TVP23A: variants seen among roughly 807,000 people sequenced by gnomAD.
The protein encoded by TVP23A is Golgi apparatus membrane protein TVP23 homolog A.
A neutral mutation model predicts 31.7 loss-of-function variants in TVP23A; 21 were observed. The observed-to-expected ratio is 0.66, with a 90% CI of 0.47 to 0.95. The LOEUF (loss-of-function observed/expected upper bound fraction) is 0.95, where lower values mean the gene tolerates loss of function less well. TVP23A is among the 40% of genes least tolerant of loss of function. The pLI is 0.00. For missense variants in TVP23A, 279 were observed against 255.6 expected, an observed-to-expected ratio of 1.09 and a Z score of -0.62; for synonymous variants, 104 against 96.0, an observed-to-expected ratio of 1.08 and a Z score of -0.49.
downstream of TVP23A, chr16:10,761,893 C>G (rs201676144): frequency 6.6e-7 from 1 of 1,521,944 alleles, no homozygotes; most frequent in East Asian, 2.3e-5. Context: ...GCACCTCACT[C>G]CTCGGTCAGC....
At chr16:10,762,630 G>A (rs552741112), downstream of TVP23A, among the ~76,000 whole-genome samples, 1 of 152,232 alleles carries the variant, frequency 6.6e-6, no homozygotes, top group Non-Finnish European at 1.5e-5. Context: ...GGTCTGAGGG[G>A]AGAACAGAGA....
chr16:10,802,258 GTGTGTGTGTGTGTGTGTGTGTGTGTGTA>G (rs2033733841), intron 2 of TVP23A, among the ~76,000 whole-genome samples: 1 of 134,284 alleles, frequency 7.4e-6, no homozygotes, highest in Admixed American at 7.1e-5. Context: ...GTGTGTGTGT[GTGTGTGTGTGTGTGTGTGTGTGTGTGTA>G]TATGTGTGTG....
chr16:10,818,288 C>A lies in TVP23A; in HGVS notation c.10-106G>T. On this transcript the variant is annotated intron_variant, in intron 1 of 7. Coordinates refer to ENST00000299866, the MANE Select transcript of TVP23A (RefSeq NM_001079512.4). This position sits in a 1 kb window ranked among gnomAD's most constrained non-coding sequence, Gnocchi z 4.7. ...GACTCCACTTGCACCCCACCGGGTT[C>A]CCAAGTGGACCCTCCGAGCTGGCGG... 1 of 1,098,952 alleles carries A rather than the reference C, an allele frequency of 9.1e-7. No homozygotes were observed. The highest frequency in any genetic ancestry group is 1.3e-5 in the South Asian group (1 of 74,940). 68.1% of individuals were successfully genotyped at this position (1,098,952 alleles called of 1,614,324 possible).
chr16:10,775,191 CG>C, intron 2 of TVP23A, 95 bp from the exon 3 acceptor site: 1 of 1,497,110 alleles, frequency 6.7e-7, no homozygotes, highest in Non-Finnish European at 8.9e-7. Context: ...GGGGTGTTAG[CG>C]TGGCTCAATG....
Position 10,767,798 on chromosome 16 carries a change from C to A in TVP23A, c.*1304G>T. The A allele has an allele frequency of 1.5e-6, 1 of 668,492 alleles. No individual in the cohort carries two copies. The highest frequency in any genetic ancestry group is 2.6e-6 in the Non-Finnish European group (1 of 386,994). The allele number at this position is 668,492 out of a possible 1,614,324, so 41.4% of individuals were successfully genotyped here. On this transcript the variant is annotated 3_prime_UTR_variant, in exon 8 of 8. Transcript: ENST00000299866. The surrounding 1 kb of genome is among the most constrained non-coding windows in gnomAD (Gnocchi z 4.6). ...CCTGCTGGAAGGAAGGTCCCTGAGACCCCACTGGTCTTTTCTACTTTGTTC... is the reference window on the plus strand; with the variant it reads ...CCTGCTGGAAGGAAGGTCCCTGAGAACCCACTGGTCTTTTCTACTTTGTTC...
rs748745722 is a variant in TVP23A at position 10,818,082 on chromosome 16, C to T, written c.89+21G>A. On this transcript the variant is annotated intron_variant, in intron 2 of 7. Transcript: ENST00000299866. This position sits in a 1 kb window ranked among gnomAD's most constrained non-coding sequence, Gnocchi z 4.7. ...TTTGCAGCTTTGGGGAACGCCTGAC[C>T]CAAGCTCCATCCCAACACACCTGAT... 1.4e-5 allele frequency: 23 copies of T among 1,596,790 alleles called. No individual in the cohort carries two copies. The Admixed American group carries it at 4.0e-4, about 28-fold the overall frequency.
Position 10,818,669 on chromosome 16 carries a change from T to G in TVP23A, c.-176A>C. The stretch of plus-strand genomic sequence containing the variant: ...CAGCTTCTCGGGTGGGGCGGGGCGC[T>G]CGGGGCCTAAGGCGCAGTCGCAGGC... On this transcript the variant is annotated 5_prime_UTR_variant, in exon 1 of 8. Coordinates refer to ENST00000299866, the MANE Select transcript of TVP23A (RefSeq NM_001079512.4). The surrounding 1 kb of genome is among the most constrained non-coding windows in gnomAD (Gnocchi z 4.7). 1 of 712,138 alleles carries G rather than the reference T, an allele frequency of 1.4e-6. No individual in the cohort carries two copies. Among genetic ancestry groups the G allele is most frequent in the Non-Finnish European group, 2.1e-6 (1 of 474,508 alleles). 44.1% of individuals were successfully genotyped at this position (712,138 alleles called of 1,614,324 possible).
chr16:10,759,353 A>G (rs1363521422), downstream of TVP23A, among the ~76,000 whole-genome samples: 1 of 152,240 alleles, frequency 6.6e-6, no homozygotes, highest in African/African-American at 2.4e-5. This position sits in a 1 kb window ranked among gnomAD's most constrained non-coding sequence, Gnocchi z 4.7. Context: ...GAGAGGGGAC[A>G]TGGGGACGCA....
At chr16:10,798,910 C>T (rs1291322602) in intron 2 of TVP23A, among the ~76,000 whole-genome samples, 1 of 152,226 alleles carries the variant, frequency 6.6e-6, no homozygotes, top group African/African-American at 2.4e-5. Flanking sequence ...GATCTGCCTG[C>T]CTTGGCCTTC....
intron 2 of TVP23A, among the ~76,000 whole-genome samples, chr16:10,807,217 CATG>C (rs2033986826): frequency 6.6e-6 from 1 of 152,106 alleles, no homozygotes; most frequent in South Asian, 2.1e-4. Flanking sequence ...TGTGTGGGAG[CATG>C]ATGTGTGTGC....
At chr16:10,802,941 C>T (rs1343805560) in intron 2 of TVP23A, among the ~76,000 whole-genome samples, 1 of 152,088 alleles carries the variant, frequency 6.6e-6, no homozygotes, top group Admixed American at 6.6e-5. Flanking sequence ...AACACATAAA[C>T]GTTTTTAATT....
downstream of TVP23A, chr16:10,758,129 C>A: frequency 7.3e-7 from 1 of 1,361,828 alleles, no homozygotes; most frequent in South Asian, 1.3e-5. Flanking sequence ...AGGCTCTTCC[C>A]AGTGTGTGTT....
At chr16:10,804,985 G>A (rs1434068328) in intron 2 of TVP23A, among the ~76,000 whole-genome samples, 5 of 151,924 alleles carry the variant, frequency 3.3e-5, no homozygotes, top group African/African-American at 9.7e-5. Context: ...ATCTGCCTCT[G>A]TCTCGGTGTG....
intron 2 of TVP23A, among the ~76,000 whole-genome samples, chr16:10,775,951 G>A (rs1456693733): frequency 6.6e-6 from 1 of 151,402 alleles, no homozygotes; most frequent in Admixed American, 6.6e-5. Flanking sequence ...ATTTCAACAT[G>A]TTGGCCAGGC....
At chr16:10,786,087 C>T (rs1256022973) in intron 2 of TVP23A, among the ~76,000 whole-genome samples, 2 of 152,164 alleles carry the variant, frequency 1.3e-5, no homozygotes, top group African/African-American at 4.8e-5. Flanking sequence ...CCAAAGGAGG[C>T]AATCAGATAT....
intron 2 of TVP23A, among the ~76,000 whole-genome samples, chr16:10,790,371 G>A (rs1215959430): frequency 1.5e-5 from 2 of 136,140 alleles, no homozygotes; most frequent in African/African-American, 2.7e-5. Flanking sequence ...TACAACCTCC[G>A]CCTTCCAGGT....
chr16:10,778,925 C>G (rs1369693065), intron 2 of TVP23A, among the ~76,000 whole-genome samples: 1 of 152,178 alleles, frequency 6.6e-6, no homozygotes, highest in African/African-American at 2.4e-5. Context: ...GAGATTGCAC[C>G]ACTGCACTAC....
rs1596598677 is a variant in TVP23A, at chr16:10,818,709, G to A, written c.-216C>T. On this transcript the variant is annotated 5_prime_UTR_variant, in exon 1 of 8. Coordinates refer to ENST00000299866, the MANE Select transcript of TVP23A (RefSeq NM_001079512.4). This position sits in a 1 kb window ranked among gnomAD's most constrained non-coding sequence, Gnocchi z 4.7. ...CAGTCGCAGGCTGGGGAGGGGGCTC[G>A]GCTCGCCGGGGACGCGCCCAGGAGA... 1 of 527,884 alleles carries A rather than the reference G, an allele frequency of 1.9e-6. No individual in the cohort carries two copies. Among genetic ancestry groups the A allele is most frequent in the East Asian group, 3.5e-5 (1 of 28,486 alleles). The allele number at this position is 527,884 out of a possible 1,614,324, so 32.7% of individuals were successfully genotyped here.
At chr16:10,763,038 A>G (rs1179029697), downstream of TVP23A, among the ~76,000 whole-genome samples, 1 of 152,050 alleles carries the variant, frequency 6.6e-6, no homozygotes, top group Non-Finnish European at 1.5e-5. Flanking sequence ...GGACACACAC[A>G]AGAGAGAAAG....
Sources: gnomAD v4.1 joint callset for allele counts (sites outside exome capture counted in the v4.1 genomes callset) on GRCh38, gnomAD v4.1.1 for gene constraint, Gnocchi (gnomAD v3.1) non-coding constraint, MANE v1.5 for transcripts, NCBI Gene and HGNC (gene_info 2026-07-23, HGNC 2026-07-21) for gene names.